Variants in ADAMTS1 observed in about 807,000 individuals in gnomAD.
ADAMTS1 encodes the protein A disintegrin and metalloproteinase with thrombospondin motifs 1.
Under a neutral mutation model 87.9 loss-of-function variants are expected in ADAMTS1, and 19 were observed. That is an observed-to-expected ratio of 0.22 (90% CI 0.15 to 0.32). The LOEUF is 0.32. Ranked by LOEUF, ADAMTS1 falls within the 10% of genes least tolerant of loss-of-function variation. The probability of loss-of-function intolerance (pLI) is 1.00; values close to 1 mark genes in which losing one functional copy is unlikely to be tolerated. For synonymous variants in ADAMTS1, 542 were observed against 501.8 expected, an observed-to-expected ratio of 1.08 and a Z score of -1.07; for missense variants, 1,240 against 1,259.1, an observed-to-expected ratio of 0.98 and a Z score of 0.23.
At position 26,840,512 on chromosome 21, in the gene ADAMTS1, G is replaced by T. The variant is rs1381413950; in HGVS notation, c.1429C>A (p.Leu477Ile). 3.7e-6 allele frequency: 6 copies of T among 1,614,116 alleles called. No individual in the cohort carries two copies. Among genetic ancestry groups the T allele is most frequent in the African/African-American group, 2.7e-5 (2 of 74,932 alleles). ...TTGGCATCGTACGAGGTGCCAGGGA[G>T]ATCGCCTGGGAGCTGTATGGGATTC... ...PQNPIQLPGD[L>I]PGTSYDANRQ... is the part of the protein sequence containing the mutation. Residue 477 changes from leucine (L) to isoleucine (I), a missense_variant, in exon 5 of 9, where the codon CTC becomes ATC. Transcript: ENST00000284984.
intron 7 of ADAMTS1, 36 bp downstream of exon 7, chr21:26,839,551 T>TA (rs1985446055): frequency 1.3e-6 from 2 of 1,501,402 alleles, no homozygotes; most frequent in Non-Finnish European, 1.8e-6. Context: ...GCCCAGGCCT[T>TA]GATTTTTAGG....
chr21:26,842,592 C>T lies in ADAMTS1; in HGVS notation c.824G>A (p.Gly275Asp), dbSNP rs144876709. 8.6e-5 allele frequency: 139 copies of T among 1,614,134 alleles called. No individual in the cohort carries two copies. In the African/African-American group the frequency reaches 1.7e-3, roughly 20 times the overall value. The part of the protein sequence containing the change: ...VADQSMAEFH[G>D]SGLKHYLLTL... ...GAGAAGGTAATGCTTTAGACCACTGCCGTGGAATTCTGCCATCGACTGGTC... is the reference window on the plus strand; with the variant it reads ...GAGAAGGTAATGCTTTAGACCACTGTCGTGGAATTCTGCCATCGACTGGTC... The change falls in exon 2 of 9, where the codon GGC becomes GAC. Residue 275 changes from glycine (G) to aspartate (D), a missense_variant. Physicochemically the swap from Gly to Asp is moderately conservative, Grantham distance 94 (BLOSUM62 -1). Transcript: ENST00000284984.
At position 26,839,692 on chromosome 21, in the gene ADAMTS1, A is replaced by G; in HGVS notation, c.1923T>C (p.Pro641=). 6.2e-7 allele frequency: 1 copy of G among 1,613,848 alleles called. No homozygotes were observed. The highest frequency in any genetic ancestry group is 8.5e-7 in the Non-Finnish European group (1 of 1,179,722). Residue 641 remains proline (P), a synonymous_variant, in exon 7 of 9, where the codon CCT becomes CCC. Coordinates refer to ENST00000284984, the MANE Select transcript of ADAMTS1 (RefSeq NM_006988.5). Reference sequence around the variant, plus strand: ...CGTACTTGGGAATCCATTCCACCGCAGGCCCACTCCCAAAGGAAGCTTTTG... The same window carrying G: ...CGTACTTGGGAATCCATTCCACCGCGGGCCCACTCCCAAAGGAAGCTTTTG... ...EFSKASFGSG[P]AVEWIPKYAG... is the part of the protein sequence containing the mutation.
In ADAMTS1 at chr21:26,839,930, T is replaced by G; in HGVS notation, c.1797A>C (p.Glu599Asp). 1 of 1,614,132 alleles carries G rather than the reference T, an allele frequency of 6.2e-7. No individual in the cohort carries two copies. The highest frequency in any genetic ancestry group is 8.5e-7 in the Non-Finnish European group (1 of 1,180,038). ...AGGATCTGTAGCGCACTCGTTTGCC[T>G]TCACAGTACTTCCCTCCATTCTTTG... Reference protein sequence around the residue: ...PVPKNGGKYCEGKRVRYRSCN... With the variant: ...PVPKNGGKYCDGKRVRYRSCN... The change falls in exon 6 of 9, where the codon GAA (glutamate) becomes GAC (aspartate). Residue 599 changes from glutamate (E) to aspartate (D), a missense_variant. Around this residue, in one of 3 missense-constraint regions of ADAMTS1, gnomAD observed 317 missense variants for 410.3 expected, o/e 0.77. Coordinates refer to ENST00000284984, the MANE Select transcript of ADAMTS1 (RefSeq NM_006988.5).
At chr21:26,843,442 A>G (rs1438881700) in intron 1 of ADAMTS1, 1 of 468,418 alleles carries the variant, frequency 2.1e-6, no homozygotes, top group Non-Finnish European at 4.4e-6. Context: ...GACACGCGAG[A>G]GAGTTAAAGA....
chr21:26,838,598 G>C lies in ADAMTS1; in HGVS notation c.2045C>G (p.Pro682Arg). The C allele has an allele frequency of 6.2e-7, 1 of 1,613,964 alleles. No homozygotes were observed. The highest frequency in any genetic ancestry group is 8.5e-7 in the Non-Finnish European group (1 of 1,179,980). ...VLQPKVVDGTPCSPDSTSVCV... is the reference protein window; with the variant it reads ...VLQPKVVDGTRCSPDSTSVCV... ...GACAGAGGTGGAATCTGGGCTACAT[G>C]GAGTACCATCTACAACCTGAAAAAA... is the stretch of plus-strand genomic sequence containing the variant. Residue 682 changes from proline (P) to arginine (R), a missense_variant, in exon 8 of 9, where the codon CCA (proline) becomes CGA (arginine). Physicochemically the swap from Pro to Arg is moderately radical, Grantham distance 103 (BLOSUM62 -2). This residue lies in a region of ADAMTS1 where 402 missense variants were observed against 399.1 expected (regional missense o/e 1.01). Coordinates refer to ENST00000284984, the MANE Select transcript of ADAMTS1 (RefSeq NM_006988.5).
intron 6 of ADAMTS1, 33 bp downstream of exon 6, chr21:26,839,822 GGTACATCTTTTTTTAATCCA>G (rs1354432077): frequency 6.2e-7 from 1 of 1,604,808 alleles, no homozygotes. Context: ...CCTGTTTGTG[GGTACATCTTTTTTTAATCCA>G]GTTTCTTAAA....
At chr21:26,841,644 C>T (rs1985496622) in intron 3 of ADAMTS1, 1 of 502,462 alleles carries the variant, frequency 2.0e-6, no homozygotes, top group East Asian at 3.3e-5. Flanking sequence ...TGTAAACAAA[C>T]ATACACATTT....
At chr21:26,841,542 A>T in intron 3 of ADAMTS1, 2 of 285,490 alleles carry the variant, frequency 7.0e-6, no homozygotes, top group Non-Finnish European at 1.3e-5. Context: ...CCCAACAGGG[A>T]TTCATTCATT....
In ADAMTS1 at chr21:26,842,463, C is replaced by T. The variant is rs1223610195; in HGVS notation, c.953G>A (p.Gly318Glu). 1 of 1,613,878 alleles carries T rather than the reference C, an allele frequency of 6.2e-7. No homozygotes were observed. The highest frequency in any genetic ancestry group is 2.2e-5 in the East Asian group (1 of 44,828). The change falls in exon 2 of 9, where the codon GGG becomes GAG. Residue 318 changes from glycine (G) to glutamate (E), a missense_variant. Coordinates refer to ENST00000284984, the MANE Select transcript of ADAMTS1 (RefSeq NM_006988.5). ...KILVIHDEQK[G>E]PEVTSNAALT... ...GGCAGCATTGGAGGTCACTTCCGGC[C>T]CCTTCTGTTCATCGTGGATGACCAA...
chr21:26,837,172 C>T lies in ADAMTS1; in HGVS notation c.*407G>A. ...AGTAAAACAGGTCTTAGTAAAATCT[C>T]ACTTTTCTCCTACTTTTCATTTCCC... On this transcript the variant is annotated 3_prime_UTR_variant, in exon 9 of 9. Coordinates refer to ENST00000284984, the MANE Select transcript of ADAMTS1 (RefSeq NM_006988.5). The T allele has an allele frequency of 5.9e-6, 1 of 169,408 alleles. No homozygotes were observed. The highest frequency in any genetic ancestry group is 1.5e-4 in the South Asian group (1 of 6,716). 10.5% of individuals were successfully genotyped at this position (169,408 alleles called of 1,614,324 possible).
In ADAMTS1 at chr21:26,842,659, A is replaced by G; in HGVS notation, c.757T>C (p.Phe253Leu). 1 of 1,613,624 alleles carries G rather than the reference A, an allele frequency of 6.2e-7. No homozygotes were observed. The highest frequency in any genetic ancestry group is 8.5e-7 in the Non-Finnish European group (1 of 1,179,892). Residue 253 changes from phenylalanine to leucine, a missense_variant, in exon 2 of 9, where the codon TTT (phenylalanine) becomes CTT (leucine). Physicochemically the swap from Phe to Leu is conservative, Grantham distance 22. Coordinates refer to ENST00000284984, the MANE Select transcript of ADAMTS1 (RefSeq NM_006988.5). The part of the protein sequence containing the change: ...TGTGSIRKKR[F>L]VSSHRYVETM... Reference sequence around the variant, plus strand: ...TCCACATAGCGGTGACTGGACACAAATCGCTTCTTTCTTATGCTTCCAGTT... The same window carrying G: ...TCCACATAGCGGTGACTGGACACAAGTCGCTTCTTTCTTATGCTTCCAGTT...
Position 26,837,640 on chromosome 21 carries a change from C to A in ADAMTS1, c.2843G>T (p.Cys948Phe). The change falls in exon 9 of 9, where the codon TGT becomes TTT. Residue 948 changes from cysteine (C) to phenylalanine (F), a missense_variant. Around this residue, in one of 3 missense-constraint regions of ADAMTS1, gnomAD observed 402 missense variants for 399.1 expected, o/e 1.01. Coordinates refer to ENST00000284984, the MANE Select transcript of ADAMTS1 (RefSeq NM_006988.5). ...ATGTTTAGGTTTCTTTAAAGGATCA[C>A]AGCTCTCATGAGATAACACCCCTCC... ...HDGGVLSHES[C>F]DPLKKPKHFI... The A allele has an allele frequency of 6.2e-7, 1 of 1,614,216 alleles. No individual in the cohort carries two copies. The highest frequency in any genetic ancestry group is 8.5e-7 in the Non-Finnish European group (1 of 1,180,048).
chr21:26,844,149 A>T, intron 1 of ADAMTS1, 76 bp downstream of exon 1: 1 of 1,486,406 alleles, frequency 6.7e-7, no homozygotes, highest in Non-Finnish European at 9.0e-7. Context: ...GCAGGAGTCT[A>T]CCCTGAAGTC....
In ADAMTS1 at chr21:26,843,444, A is replaced by G. The variant is rs780822064; in HGVS notation, c.731-759T>C. Reference sequence around the variant, plus strand: ...TTCTTTAAAAAATGACACGCGAGAGAGTTAAAGAAGGAAAAAGGCACCAAA... The same window carrying G: ...TTCTTTAAAAAATGACACGCGAGAGGGTTAAAGAAGGAAAAAGGCACCAAA... On this transcript the variant is annotated intron_variant, in intron 1 of 8. Transcript: ENST00000284984. The G allele has an allele frequency of 1.3e-5, 6 of 469,152 alleles. No homozygotes were observed. In the Middle Eastern group the frequency reaches 9.8e-4, roughly 77 times the overall value. The allele number at this position is 469,152 out of a possible 1,614,324, so 29.1% of individuals were successfully genotyped here.
chr21:26,843,316 G>C (rs2123158062), intron 1 of ADAMTS1: 1 of 383,334 alleles, frequency 2.6e-6, no homozygotes, highest in East Asian at 7.2e-5. Flanking sequence ...ATTTGGAACA[G>C]AGCCTTCCAC....
chr21:26,837,754 G>A lies in ADAMTS1; in HGVS notation c.2729C>T (p.Pro910Leu). Residue 910 changes from proline (P) to leucine (L), a missense_variant, in exon 9 of 9, where the codon CCC (proline) becomes CTC (leucine). This residue lies in a region of ADAMTS1 where 402 missense variants were observed against 399.1 expected (regional missense o/e 1.01). Coordinates refer to ENST00000284984, the MANE Select transcript of ADAMTS1 (RefSeq NM_006988.5). Reference sequence around the variant, plus strand: ...TGACCACTCCCCCAGCTGCCACTGGGGGCAGGGATGGTCTGCACAAGGTCT... The same window carrying A: ...TGACCACTCCCCCAGCTGCCACTGGAGGCAGGGATGGTCTGCACAAGGTCT... ...STRPCADHPC[P>L]QWQLGEWSSC... 6.2e-7 allele frequency: 1 copy of A among 1,614,168 alleles called. No homozygotes were observed. The highest frequency in any genetic ancestry group is 1.7e-5 in the Admixed American group (1 of 60,024).
chr21:26,837,629 T>C lies in ADAMTS1; in HGVS notation c.2854A>G (p.Lys952Glu). 6.2e-7 allele frequency: 1 copy of C among 1,614,236 alleles called. No homozygotes were observed. The highest frequency in any genetic ancestry group is 1.1e-5 in the South Asian group (1 of 91,090). The change falls in exon 9 of 9, where the codon AAG (lysine) becomes GAG (glutamate). Residue 952 changes from lysine (K) to glutamate (E), a missense_variant. By Grantham distance (56) the Lys-to-Glu change is moderately conservative. Transcript: ENST00000284984. ...AAGTCTATGAAATGTTTAGGTTTCTTTAAAGGATCACAGCTCTCATGAGAT... is the reference window on the plus strand; with the variant it reads ...AAGTCTATGAAATGTTTAGGTTTCTCTAAAGGATCACAGCTCTCATGAGAT... ...VLSHESCDPLKKPKHFIDFCT... is the reference protein window; with the variant it reads ...VLSHESCDPLEKPKHFIDFCT...
chr21:26,842,036 C>T, intron 2 of ADAMTS1, 46 bp from the exon 3 acceptor site: 14 of 1,584,294 alleles, frequency 8.8e-6, no homozygotes, highest in Non-Finnish European at 1.2e-5. Context: ...GGAGCATGAC[C>T]CTTGGGATCT....
Sources: allele counts gnomAD v4.1 joint callset, GRCh38; gene constraint gnomAD v4.1.1; regional missense constraint gnomAD v4.1.1; transcripts MANE v1.5; gene names NCBI Gene and HGNC (gene_info 2026-07-23, HGNC 2026-07-21).